NKAIN2: variants seen among roughly 807,000 people sequenced by gnomAD.
NKAIN2 encodes the protein sodium/potassium transporting ATPase interacting 2.
In NKAIN2, 14 loss-of-function variants were observed where a neutral mutation model predicts 32.6. The ratio of observed to expected loss-of-function variants is 0.43; its 90% CI spans 0.28 to 0.67. The LOEUF (loss-of-function observed/expected upper bound fraction) is 0.67. Among genes scored for constraint, NKAIN2 ranks in the 30% least tolerant of loss-of-function variants. NKAIN2 has a pLI of 0.17. For synonymous variants in NKAIN2, 80 were observed against 87.2 expected, an observed-to-expected ratio of 0.92 and a Z score of 0.46; for missense variants, 198 against 258.3, an observed-to-expected ratio of 0.77 and a Z score of 1.60.
chr6:124,499,300 G>T (rs1192972171), intron 3 of NKAIN2, among the ~76,000 whole-genome samples: 1 of 152,026 alleles, frequency 6.6e-6, no homozygotes, highest in Non-Finnish European at 1.5e-5. Flanking sequence ...GAAAATGTTG[G>T]TCCTACAGCC....
intron 4 of NKAIN2, among the ~76,000 whole-genome samples, chr6:124,735,766 C>T (rs1002357246): frequency 6.6e-6 from 1 of 151,886 alleles, no homozygotes; most frequent in African/African-American, 2.4e-5. Flanking sequence ...CCACAATTCA[C>T]ATCCATATAA....
chr6:124,433,178 G>A (rs1456493351), intron 3 of NKAIN2, among the ~76,000 whole-genome samples: 2 of 152,144 alleles, frequency 1.3e-5, no homozygotes, highest in East Asian at 1.9e-4. Context: ...ACTGAAATTA[G>A]GCGGTGGAAG....
chr6:124,027,476 T>C (rs1278116250), intron 1 of NKAIN2, among the ~76,000 whole-genome samples: 1 of 152,140 alleles, frequency 6.6e-6, no homozygotes, highest in Non-Finnish European at 1.5e-5. Context: ...GACTCTCAAG[T>C]CTATATCCCC....
At chr6:124,604,017 G>A (rs1326936705) in intron 3 of NKAIN2, among the ~76,000 whole-genome samples, 1 of 151,990 alleles carries the variant, frequency 6.6e-6, no homozygotes, top group Non-Finnish European at 1.5e-5. Flanking sequence ...AGCTTTGAGA[G>A]TATAAAAGGA....
intron 3 of NKAIN2, among the ~76,000 whole-genome samples, chr6:124,591,871 T>C (rs770256830): frequency 2.6e-5 from 4 of 152,046 alleles, no homozygotes; most frequent in Non-Finnish European, 1.5e-5. Context: ...ATCTTGTCCT[T>C]AGAGGGAGTG....
At position 123,976,260 on chromosome 6, in the gene NKAIN2, TATATGTTTCC is replaced by T. The variant is rs751196891; in HGVS notation, c.54+172011_54+172020del. Among the ~76,000 whole-genome samples the T allele has an allele frequency of 3.1e-3, 356 of 113,848 alleles. 6 individuals are homozygous for T. Among genetic ancestry groups the T allele is most frequent in the African/African-American group, 8.9e-3 (294 of 32,910 alleles). 74.7% of individuals were successfully genotyped at this position (113,848 alleles called of 152,430 possible). A position where few individuals can be genotyped will look rare whatever the true frequency, so the allele number is the denominator to read the frequency against. On this transcript the variant is annotated intron_variant, in intron 1 of 6. Transcript: ENST00000368417. ...ACAATAGCAAGAACATATATATATA[TATATGTTTCC>T]ATATATATGTTTCCATATATATGTT...
intron 1 of NKAIN2, among the ~76,000 whole-genome samples, chr6:124,232,069 A>G (rs1284010443): frequency 6.6e-6 from 1 of 152,048 alleles, no homozygotes; most frequent in Non-Finnish European, 1.5e-5. Context: ...GATCTCACAA[A>G]CTTTTTAAGA....
chr6:124,781,187 A>C (rs1014728333), intron 4 of NKAIN2, among the ~76,000 whole-genome samples: 1 of 152,148 alleles, frequency 6.6e-6, no homozygotes, highest in Admixed American at 6.6e-5. Context: ...TAAACTAAGA[A>C]GACTGTGTGA....
chr6:124,463,065 A>G (rs1323313427), intron 3 of NKAIN2, among the ~76,000 whole-genome samples: 3 of 152,094 alleles, frequency 2.0e-5, no homozygotes, highest in Non-Finnish European at 4.4e-5. Context: ...TGAAACAAGT[A>G]TCTCTACTGC....
intron 1 of NKAIN2, among the ~76,000 whole-genome samples, chr6:123,811,359 A>G (rs1006385427): frequency 2.2e-5 from 2 of 90,080 alleles, no homozygotes; most frequent in Non-Finnish European, 3.7e-5. Flanking sequence ...TGGATCCTTC[A>G]CCTGCCTCTC....
rs1188089520 is a variant in NKAIN2 at position 124,697,502 on chromosome 6, CTT to C, written c.474+39118_474+39119del. Reference sequence around the variant, plus strand: ...CGCAGTTATGAGTACACTTCTGTGTCTTTATCACACTAGAGCTCTCCTAAATG... The same window carrying C: ...CGCAGTTATGAGTACACTTCTGTGTCTATCACACTAGAGCTCTCCTAAATG... On this transcript the variant is annotated intron_variant, in intron 4 of 6. Transcript: ENST00000368417. Among the ~76,000 whole-genome samples, 6 of 152,164 alleles carry C rather than the reference CTT, an allele frequency of 3.9e-5. No individual in the cohort carries two copies. In the East Asian group the frequency reaches 1.2e-3, roughly 29 times the overall value.
At chr6:123,868,722 C>T (rs1473597317) in intron 1 of NKAIN2, among the ~76,000 whole-genome samples, 1 of 152,148 alleles carries the variant, frequency 6.6e-6, no homozygotes, top group Non-Finnish European at 1.5e-5. Flanking sequence ...AACTAAATTG[C>T]CCCATTGGCT....
rs906129730 is a variant in NKAIN2, at chr6:124,658,228, T to C, written c.316T>C (p.Ser106Pro). 24 of 1,613,786 alleles carry C rather than the reference T, an allele frequency of 1.5e-5. No homozygotes were observed. Among genetic ancestry groups the C allele is most frequent in the Non-Finnish European group, 2.0e-5 (24 of 1,179,856 alleles). ...GACTTTTAATATATCAATGCACCGA[T>C]CTTGGTGGATGGAGAATGGACCAGG... The part of the protein sequence containing the change: ...ILTFNISMHR[S>P]WWMENGPGCT... The change falls in exon 4 of 7, where the codon TCT (serine) becomes CCT (proline). Residue 106 changes from serine (S) to proline (P), a missense_variant. Physicochemically the swap from Ser to Pro is moderately conservative, Grantham distance 74 (BLOSUM62 -1). Transcript: ENST00000368417.
At chr6:124,403,915 A>G (rs747578471) in intron 3 of NKAIN2, among the ~76,000 whole-genome samples, 19 of 152,156 alleles carry the variant, frequency 1.2e-4, no homozygotes, top group Non-Finnish European at 2.4e-4. Context: ...CCATTTCTTT[A>G]GCAGAATTCA....
At chr6:124,422,255 CCTT>C (rs1403763046) in intron 3 of NKAIN2, among the ~76,000 whole-genome samples, 2 of 151,896 alleles carry the variant, frequency 1.3e-5, no homozygotes, top group Non-Finnish European at 2.9e-5. Flanking sequence ...CTGATAATTG[CCTT>C]CTTTGTGGGA....
chr6:124,763,825 T>A (rs1778381057), intron 4 of NKAIN2, among the ~76,000 whole-genome samples: 1 of 152,186 alleles, frequency 6.6e-6, no homozygotes. Context: ...TCAGTTAAAG[T>A]GTATATAATT....
At chr6:124,654,949 G>A (rs1784488373) in intron 3 of NKAIN2, among the ~76,000 whole-genome samples, 1 of 152,192 alleles carries the variant, frequency 6.6e-6, no homozygotes, top group Non-Finnish European at 1.5e-5. Context: ...CACCCTATTT[G>A]TGGTACTTTG....
chr6:124,307,945 G>C (rs985285180), intron 2 of NKAIN2, among the ~76,000 whole-genome samples: 1 of 152,040 alleles, frequency 6.6e-6, no homozygotes, highest in African/African-American at 2.4e-5. Flanking sequence ...AAAACTGAAA[G>C]CAACTAATTC....
intron 1 of NKAIN2, among the ~76,000 whole-genome samples, chr6:123,926,161 A>G (rs1236574300): frequency 6.6e-6 from 1 of 152,196 alleles, no homozygotes. Context: ...TGAGATTTCA[A>G]CATATGAATT....
Sources: gnomAD v4.1 joint callset for allele counts (sites outside exome capture counted in the v4.1 genomes callset) on GRCh38, gnomAD v4.1.1 for gene constraint, MANE v1.5 for transcripts, NCBI Gene and HGNC (gene_info 2026-07-23, HGNC 2026-07-21) for gene names.